TSPAN8: variants seen among roughly 807,000 people sequenced by gnomAD.
TSPAN8 encodes tetraspanin-8.
TSPAN8 carries 21 observed loss-of-function variants against 32.8 expected under a neutral mutation model. The ratio of observed to expected loss-of-function variants is 0.64; its 90% CI spans 0.45 to 0.92. The LOEUF is 0.92. TSPAN8 is among the 40% of genes least tolerant of loss of function. The probability of loss-of-function intolerance (pLI) is 0.00; values close to 1 mark genes in which losing one functional copy is unlikely to be tolerated. For synonymous variants in TSPAN8, 95 were observed against 94.6 expected, an observed-to-expected ratio of 1.00 and a Z score of -0.03; for missense variants, 269 against 281.9, an observed-to-expected ratio of 0.95 and a Z score of 0.33.
rs778881284 is a variant in TSPAN8, at chr12:71,132,823, A to T, written c.446T>A (p.Phe149Tyr). The change falls in exon 7 of 9, where the codon TTT becomes TAT. Residue 149 changes from phenylalanine to tyrosine, a missense_variant and splice_region_variant. Physicochemically the swap from Phe to Tyr is conservative, Grantham distance 22. Transcript: ENST00000247829. ...TCCATTGACCAAACCGCAGCATTTAAACTGTTTGATAAAAGGTAGAATGAG... is the reference window on the plus strand; with the variant it reads ...TCCATTGACCAAACCGCAGCATTTATACTGTTTGATAAAAGGTAGAATGAG... ...QEAIIVFQEE[F>Y]KCCGLVNGAA... 1 of 1,613,814 alleles carries T rather than the reference A, an allele frequency of 6.2e-7. No homozygotes were observed. The highest frequency in any genetic ancestry group is 1.1e-5 in the South Asian group (1 of 91,056).
chr12:71,153,297 T>C (rs142345021), intron 2 of TSPAN8, among the ~76,000 whole-genome samples: 1 of 152,362 alleles, frequency 6.6e-6, no homozygotes, highest in African/African-American at 2.4e-5. Context: ...AATTTATCTA[T>C]TATCTGCAGC....
intron 2 of TSPAN8, among the ~76,000 whole-genome samples, chr12:71,149,965 A>G (rs532414469): frequency 6.6e-6 from 1 of 152,334 alleles, no homozygotes; most frequent in African/African-American, 2.4e-5. Context: ...AGATATTGCT[A>G]AATTCTTTTC....
intron 6 of TSPAN8, among the ~76,000 whole-genome samples, chr12:71,136,229 T>C (rs1592402287): frequency 6.6e-6 from 1 of 152,202 alleles, no homozygotes; most frequent in African/African-American, 2.4e-5. Flanking sequence ...TAATTTTTTT[T>C]CCTCTGAAAC....
intron 2 of TSPAN8, among the ~76,000 whole-genome samples, chr12:71,152,443 T>A (rs1448179562): frequency 6.6e-6 from 1 of 152,254 alleles, no homozygotes; most frequent in African/African-American, 2.4e-5. Flanking sequence ...GAAATGTCTT[T>A]TTCTTAAACA....
Position 71,152,006 on chromosome 12 carries a change from T to C in TSPAN8, c.60+5613A>G, listed in dbSNP as rs138899438. On this transcript the variant is annotated intron_variant, in intron 2 of 8. Transcript: ENST00000247829. Reference sequence around the variant, plus strand: ...TATAAAATACTGTCACAGTATATTCTAATAGTTGTAAATGAAAAAGCAATT... The same window carrying C: ...TATAAAATACTGTCACAGTATATTCCAATAGTTGTAAATGAAAAAGCAATT... Among the ~76,000 whole-genome samples, 1,044 of 152,346 alleles carry C rather than the reference T, an allele frequency of 6.9e-3. 13 individuals carry two copies. The highest frequency in any genetic ancestry group is 0.023 in the African/African-American group (967 of 41,576).
intron 2 of TSPAN8, among the ~76,000 whole-genome samples, chr12:71,156,379 T>C (rs972729880): frequency 1.3e-5 from 2 of 151,512 alleles, no homozygotes; most frequent in South Asian, 2.1e-4. Context: ...AGGGAAGAAA[T>C]GTATCAGAAC....
intron 2 of TSPAN8, among the ~76,000 whole-genome samples, chr12:71,149,245 G>A (rs1418031311): frequency 6.6e-6 from 1 of 151,988 alleles, no homozygotes. Context: ...GCACGTGCCT[G>A]TAATCCCAGC....
chr12:71,126,402 T>A (rs1212312666), intron 8 of TSPAN8, among the ~76,000 whole-genome samples: 2 of 152,176 alleles, frequency 1.3e-5, no homozygotes, highest in Non-Finnish European at 2.9e-5. Flanking sequence ...GGGACAAGTA[T>A]CAAGAAAGAA....
rs1172814450 is a variant in TSPAN8 at position 71,125,384 on chromosome 12, G to T, written c.664C>A (p.Leu222Met). The change falls in exon 9 of 9, where the codon CTG becomes ATG. Residue 222 changes from leucine to methionine, a missense_variant. Leu to Met is a conservative substitution (Grantham distance 15). Transcript: ENST00000247829. ...ISFGLAVIEI[L>M]GLVFSMVLYC... is the part of the protein sequence containing the mutation. ...AGGACCATAGAAAACACCAAACCCA[G>T]TATCTAGAGAACAAAATAACAGGAT... is the stretch of plus-strand genomic sequence containing the variant. 3 of 1,611,430 alleles carry T rather than the reference G, an allele frequency of 1.9e-6. No homozygotes were observed. The highest frequency in any genetic ancestry group is 2.5e-6 in the Non-Finnish European group (3 of 1,179,002).
chr12:71,151,066 A>ATT (rs60574643), intron 2 of TSPAN8, among the ~76,000 whole-genome samples: 16 of 141,028 alleles, frequency 1.1e-4, no homozygotes, highest in East Asian at 8.3e-4. Flanking sequence ...CGTGCATCTT[A>ATT]TTTTTTTTTT....
intron 4 of TSPAN8, among the ~76,000 whole-genome samples, chr12:71,138,622 T>C (rs1025695197): frequency 2.6e-5 from 4 of 152,226 alleles, no homozygotes; most frequent in Non-Finnish European, 5.9e-5. Context: ...ACATTCAGAA[T>C]CACCTGGCAT....
At chr12:71,132,630 A>G (rs1318503240) in intron 7 of TSPAN8, 63 bp downstream of exon 7, 1 of 1,570,348 alleles carries the variant, frequency 6.4e-7, no homozygotes, top group Non-Finnish European at 8.7e-7. Flanking sequence ...TTTTGTAGGG[A>G]CTTTAATTGT....
chr12:71,139,578 A>G (rs1262649724), intron 4 of TSPAN8, 133 bp downstream of exon 4: 1 of 1,279,642 alleles, frequency 7.8e-7, no homozygotes, highest in Non-Finnish European at 1.1e-6. Context: ...AGCTTCCACA[A>G]TCAAACCTTC....
Position 71,138,050 on chromosome 12 carries a change from A to G in TSPAN8, c.347T>C (p.Ile116Thr), listed in dbSNP as rs1348346918. 1.9e-6 allele frequency: 3 copies of G among 1,613,698 alleles called. No homozygotes were observed. The highest frequency in any genetic ancestry group is 2.2e-5 in the South Asian group (2 of 90,952). The change falls in exon 6 of 9, where the codon ATT becomes ACT. Residue 116 changes from isoleucine (I) to threonine (T), a missense_variant. Ile to Thr is a moderately conservative substitution (Grantham distance 89, BLOSUM62 -1). Coordinates refer to ENST00000247829, the MANE Select transcript of TSPAN8 (RefSeq NM_004616.3). ...GAVFKSKSDR[I>T]VNETLYENTK... ...GTTTTCATAGAGAGTTTCATTCACA[A>G]TGCGATCAGACTGAAAATTGAAAAG...
At chr12:71,141,337 T>G (rs1565786681) in intron 3 of TSPAN8, among the ~76,000 whole-genome samples, 1 of 152,212 alleles carries the variant, frequency 6.6e-6, no homozygotes, top group Non-Finnish European at 1.5e-5. Flanking sequence ...AAAATCAGTT[T>G]TGTTAATAAA....
chr12:71,144,126 G>A (rs769955151), intron 3 of TSPAN8, 25 bp downstream of exon 3: 1 of 1,599,106 alleles, frequency 6.3e-7, no homozygotes, highest in Admixed American at 1.7e-5. Context: ...ATTGGGGAAA[G>A]GGTGACTTGT....
At chr12:71,147,738 A>G (rs1233649291) in intron 2 of TSPAN8, among the ~76,000 whole-genome samples, 1 of 152,114 alleles carries the variant, frequency 6.6e-6, no homozygotes, top group African/African-American at 2.4e-5. Flanking sequence ...GTTTTTTTGC[A>G]TTTCCTTCAT....
In TSPAN8 at chr12:71,139,379, G is replaced by A. The variant is rs1033707776; in HGVS notation, c.261+332C>T. The A allele has an allele frequency of 3.4e-5, 16 of 470,222 alleles. No individual in the cohort carries two copies. The East Asian group carries it at 8.1e-4, about 24-fold the overall frequency. 29.1% of individuals were successfully genotyped at this position (470,222 alleles called of 1,614,324 possible). ...GGGGCCACTCCCACTGTAGCTATTTGCTTACTTATTAACCTTCCCTAGTAG... is the reference window on the plus strand; with the variant it reads ...GGGGCCACTCCCACTGTAGCTATTTACTTACTTATTAACCTTCCCTAGTAG... On this transcript the variant is annotated intron_variant, in intron 4 of 8. Transcript: ENST00000247829.
intron 2 of TSPAN8, among the ~76,000 whole-genome samples, chr12:71,149,571 G>A (rs986319571): frequency 6.6e-6 from 1 of 152,156 alleles, no homozygotes; most frequent in African/African-American, 2.4e-5. Context: ...AGGAAGTCAG[G>A]GACCCCAAAC....
Sources: allele counts gnomAD v4.1 joint callset (sites outside exome capture counted in the v4.1 genomes callset), GRCh38; gene constraint gnomAD v4.1.1; transcripts MANE v1.5; gene names NCBI Gene and HGNC (gene_info 2026-07-23, HGNC 2026-07-21).